The following SLC1A3 variants were observed in gnomAD, a reference collection of about 807,000 sequenced individuals.
SLC1A3 encodes solute carrier family 1 member 3.
Under a neutral mutation model 48.1 loss-of-function variants are expected in SLC1A3, and 21 were observed. The observed-to-expected ratio is 0.44, with a 90% CI of 0.31 to 0.63. The LOEUF (loss-of-function observed/expected upper bound fraction) is 0.63, where lower values mean the gene tolerates loss of function less well. SLC1A3 is among the 20% of genes least tolerant of loss of function. The pLI, the probability that SLC1A3 is intolerant of heterozygous loss-of-function variation, is 0.08. For missense variants in SLC1A3, 546 were observed against 689.0 expected (o/e 0.79, Z 2.32); for synonymous variants, 239 against 251.4 (o/e 0.95, Z 0.47).
intron 2 of SLC1A3, chr5:36,608,990 T>C (rs1371882067): frequency 2.0e-6 from 2 of 1,003,312 alleles, no homozygotes; most frequent in Non-Finnish European, 2.4e-6. Context: ...ATACAATTAG[T>C]ACACCTAAAA....
chr5:36,679,701 G>A lies in SLC1A3; in HGVS notation c.935G>A (p.Gly312Glu). 2.5e-6 allele frequency: 4 copies of A among 1,614,116 alleles called. No individual in the cohort carries two copies. Among genetic ancestry groups the A allele is most frequent in the East Asian group, 2.2e-5 (1 of 44,878 alleles). Residue 312 changes from glycine (G) to glutamate (E), a missense_variant, in exon 7 of 10, where the codon GGG becomes GAG. Physicochemically the swap from Gly to Glu is moderately conservative, Grantham distance 98 (BLOSUM62 -2). Around this residue, in one of 3 missense-constraint regions of SLC1A3, gnomAD observed 348 missense variants for 392.0 expected, o/e 0.89. Transcript: ENST00000265113. ...VEMEDMGVIG[G>E]QLAMYTVTVI... ...ATGGAAGACATGGGTGTGATTGGGGGGCAGCTTGCCATGTACACCGTGACT... is the reference window on the plus strand; with the variant it reads ...ATGGAAGACATGGGTGTGATTGGGGAGCAGCTTGCCATGTACACCGTGACT...
chr5:36,661,645 C>T (rs1031692552), intron 3 of SLC1A3, among the ~76,000 whole-genome samples: 4 of 152,212 alleles, frequency 2.6e-5, no homozygotes, highest in African/African-American at 9.7e-5. Context: ...GCTTCCCAGC[C>T]TCATGACTGG....
rs147552203 is a variant in SLC1A3 at position 36,679,749 on chromosome 5, A to G, written c.983A>G (p.His328Arg). 6.2e-7 allele frequency: 1 copy of G among 1,614,040 alleles called. No homozygotes were observed. The highest frequency in any genetic ancestry group is 8.5e-7 in the Non-Finnish European group (1 of 1,180,010). The part of the protein sequence containing the change: ...TVTVIVGLLI[H>R]AVIVLPLLYF... The stretch of plus-strand genomic sequence containing the variant: ...ACTGTCATTGTTGGCTTACTCATTC[A>G]CGCAGTCATCGTCTTGCCACTCCTC... The change falls in exon 7 of 10, where the codon CAC (histidine) becomes CGC (arginine). Residue 328 changes from histidine to arginine, a missense_variant. His to Arg is a conservative substitution (Grantham distance 29, BLOSUM62 0). This residue lies in a region of SLC1A3 where 142 missense variants were observed against 238.0 expected (regional missense o/e 0.60). Coordinates refer to ENST00000265113, the MANE Select transcript of SLC1A3 (RefSeq NM_004172.5).
chr5:36,623,187 T>G (rs1212534627), intron 2 of SLC1A3, among the ~76,000 whole-genome samples: 1 of 152,174 alleles, frequency 6.6e-6, no homozygotes, highest in Non-Finnish European at 1.5e-5. Flanking sequence ...AACATTCTAG[T>G]CAATATATTT....
At chr5:36,663,276 C>T (rs1354647176) in intron 3 of SLC1A3, among the ~76,000 whole-genome samples, 1 of 151,622 alleles carries the variant, frequency 6.6e-6, no homozygotes, top group African/African-American at 2.4e-5. Context: ...AGTGCAGTAG[C>T]GTGATCTCTG....
At chr5:36,601,355 T>C (rs1386441741) in intron 1 of SLC1A3, among the ~76,000 whole-genome samples, 1 of 152,224 alleles carries the variant, frequency 6.6e-6, no homozygotes, top group Non-Finnish European at 1.5e-5. Context: ...ATTTGTGTCC[T>C]TAACTAAACA....
At chr5:36,677,309 C>T (rs1176150371) in intron 6 of SLC1A3, 125 bp downstream of exon 6, 1 of 769,392 alleles carries the variant, frequency 1.3e-6, no homozygotes, top group Non-Finnish European at 2.1e-6. Flanking sequence ...TCTGGTAAGC[C>T]CAGGAAAATC....
At chr5:36,666,627 G>A (rs965507872) in intron 3 of SLC1A3, 1 of 152,238 alleles carries the variant, frequency 6.6e-6, no homozygotes, top group Non-Finnish European at 1.5e-5. Flanking sequence ...CCAAGTCACA[G>A]ATTTTCAGCA....
At chr5:36,628,417 C>T (rs567526422) in intron 2 of SLC1A3, among the ~76,000 whole-genome samples, 3 of 152,290 alleles carry the variant, frequency 2.0e-5, no homozygotes, top group South Asian at 4.1e-4. Flanking sequence ...CCCCACCAAC[C>T]CACCACCCCC....
At chr5:36,598,648 T>C (rs1428525480) in intron 1 of SLC1A3, among the ~76,000 whole-genome samples, 2 of 152,156 alleles carry the variant, frequency 1.3e-5, no homozygotes, top group Admixed American at 1.3e-4. Context: ...TGAAATTAAT[T>C]TTTTTCTTTG....
chr5:36,625,143 G>A (rs1739851574), intron 2 of SLC1A3, among the ~76,000 whole-genome samples: 1 of 152,214 alleles, frequency 6.6e-6, no homozygotes, highest in East Asian at 1.9e-4. Context: ...TGACTTCTGA[G>A]CATCAGTTTA....
chr5:36,639,759 A>G (rs1740537574), intron 3 of SLC1A3, among the ~76,000 whole-genome samples: 1 of 152,242 alleles, frequency 6.6e-6, no homozygotes, highest in Non-Finnish European at 1.5e-5. Context: ...CGGGTGGTGC[A>G]TGAATGCTTA....
chr5:36,613,050 T>C, intron 2 of SLC1A3: 1 of 342,576 alleles, frequency 2.9e-6, no homozygotes. Context: ...GATGCCACAT[T>C]TGAAGGTAGG....
At chr5:36,650,845 A>T (rs1242483949) in intron 3 of SLC1A3, among the ~76,000 whole-genome samples, 1 of 152,226 alleles carries the variant, frequency 6.6e-6, no homozygotes, top group African/African-American at 2.4e-5. Flanking sequence ...CTCAGACTCA[A>T]CAAAAATTAT....
At chr5:36,655,909 T>G (rs1473304838) in intron 3 of SLC1A3, among the ~76,000 whole-genome samples, 1 of 152,168 alleles carries the variant, frequency 6.6e-6, no homozygotes, top group Non-Finnish European at 1.5e-5. Flanking sequence ...TGAGTGCAAG[T>G]TAGAGGAAAC....
intron 4 of SLC1A3, 53 bp from the exon 5 acceptor site, chr5:36,673,996 G>A: frequency 7.1e-7 from 1 of 1,402,186 alleles, no homozygotes; most frequent in Non-Finnish European, 1.0e-6. Context: ...AGAATTTAAG[G>A]AGCAAACTTA....
At chr5:36,637,589 C>T (rs1029764563) in intron 3 of SLC1A3, among the ~76,000 whole-genome samples, 1 of 152,108 alleles carries the variant, frequency 6.6e-6, no homozygotes, top group African/African-American at 2.4e-5. Flanking sequence ...GATTTTCCAC[C>T]CTTAAATTAT....
intron 5 of SLC1A3, among the ~76,000 whole-genome samples, chr5:36,676,681 TGTATTTCA>T (rs1742221709): frequency 6.6e-6 from 1 of 152,088 alleles, no homozygotes; most frequent in Non-Finnish European, 1.5e-5. Flanking sequence ...ATGATTTGTA[TGTATTTCA>T]GTATGTGTTT....
Position 36,676,905 on chromosome 5 carries a change from A to G in SLC1A3, c.581A>G (p.Tyr194Cys). 3 of 1,613,242 alleles carry G rather than the reference A, an allele frequency of 1.9e-6. No individual in the cohort carries two copies. The highest frequency in any genetic ancestry group is 2.2e-5 in the East Asian group (1 of 44,862). Reference sequence around the variant, plus strand: ...TTTATTTTTAAGTTTAAAACCAACTATGAGAAGAGAAGCTTTAAAGTGCCC... The same window carrying G: ...TTTATTTTTAAGTTTAAAACCAACTGTGAGAAGAGAAGCTTTAAAGTGCCC... The part of the protein sequence containing the change: ...EACFKQFKTN[Y>C]EKRSFKVPIQ... The change falls in exon 6 of 10, where the codon TAT (tyrosine) becomes TGT (cysteine). Residue 194 changes from tyrosine to cysteine, a missense_variant. Physicochemically the swap from Tyr to Cys is radical, Grantham distance 194. Transcript: ENST00000265113.
Sources: allele counts gnomAD v4.1 joint callset (sites outside exome capture counted in the v4.1 genomes callset), GRCh38; gene constraint gnomAD v4.1.1; regional missense constraint gnomAD v4.1.1; transcripts MANE v1.5; gene names NCBI Gene and HGNC (gene_info 2026-07-23, HGNC 2026-07-21).